RGS6: variants seen among roughly 807,000 people sequenced by gnomAD.
RGS6 encodes regulator of G protein signaling 6, also known as regulator of G-protein signaling 6.
RGS6 carries 30 observed loss-of-function variants against 78.5 expected under a neutral mutation model. That is an observed-to-expected ratio of 0.38 (90% CI 0.29 to 0.52). The LOEUF is 0.52. Among genes scored for constraint, RGS6 ranks in the 20% least tolerant of loss-of-function variants. RGS6 has a pLI of 0.85. For synonymous variants in RGS6, 206 were observed against 206.0 expected (o/e 1.00, Z 0.00); for missense variants, 495 against 609.7 (o/e 0.81, Z 1.98).
chr14:72,494,815 G>T (rs1429944260), intron 12 of RGS6, among the ~76,000 whole-genome samples: 1 of 152,126 alleles, frequency 6.6e-6, no homozygotes, highest in Admixed American at 6.5e-5. Context: ...TTGTGGGAGG[G>T]TGGAACACAA....
At chr14:72,331,979 A>G (rs2152572679) in intron 2 of RGS6, among the ~76,000 whole-genome samples, 1 of 152,326 alleles carries the variant, frequency 6.6e-6, no homozygotes, top group African/African-American at 2.4e-5. Flanking sequence ...ATGATGTGTA[A>G]AATCACCTGT....
At chr14:72,392,349 G>T (rs761294226) in intron 3 of RGS6, among the ~76,000 whole-genome samples, 1 of 152,110 alleles carries the variant, frequency 6.6e-6, no homozygotes, top group African/African-American at 2.4e-5. Flanking sequence ...TATGAAGTCG[G>T]GAGAGCAGGG....
At chr14:72,197,703 A>G (rs1452562739) in intron 2 of RGS6, among the ~76,000 whole-genome samples, 1 of 152,100 alleles carries the variant, frequency 6.6e-6, no homozygotes, top group Non-Finnish European at 1.5e-5. Context: ...TCGGGGCCCA[A>G]ATTTCTATTT....
intron 2 of RGS6, among the ~76,000 whole-genome samples, chr14:72,274,039 A>G (rs1415169114): frequency 6.6e-6 from 1 of 152,174 alleles, no homozygotes; most frequent in African/African-American, 2.4e-5. Context: ...TGCTAATTCC[A>G]GGCTAGGACG....
At chr14:72,493,407 ATAAAT>A (rs1182753871) in intron 12 of RGS6, among the ~76,000 whole-genome samples, 1 of 152,206 alleles carries the variant, frequency 6.6e-6, no homozygotes, top group Admixed American at 6.5e-5. Flanking sequence ...AAATTAAAAA[ATAAAT>A]AAATAGTTAA....
intron 2 of RGS6, among the ~76,000 whole-genome samples, chr14:72,192,330 A>T (rs1465664306): frequency 6.6e-6 from 1 of 152,236 alleles, no homozygotes; most frequent in Non-Finnish European, 1.5e-5. Flanking sequence ...GCTGTCTCAA[A>T]TAAATCCTTT....
In RGS6 at chr14:71,970,292, G is replaced by A. The variant is rs149732890; in HGVS notation, c.84+5417G>A. Among the ~76,000 whole-genome samples, 55 of 152,180 alleles carry A rather than the reference G, an allele frequency of 3.6e-4. No homozygotes were observed. In the East Asian group the frequency reaches 7.2e-3, roughly 20 times the overall value. On this transcript the variant is annotated intron_variant, in intron 2 of 17. Coordinates refer to ENST00000553525, the MANE Select transcript of RGS6 (RefSeq NM_001204424.2). ...ATCAACAGGTTAGTTGCCTAGCCTCGTCACTGATGGCTTCCTTCACCTATT... is the reference window on the plus strand; with the variant it reads ...ATCAACAGGTTAGTTGCCTAGCCTCATCACTGATGGCTTCCTTCACCTATT...
intron 2 of RGS6, among the ~76,000 whole-genome samples, chr14:72,058,530 T>G (rs1366550669): frequency 6.6e-6 from 1 of 152,164 alleles, no homozygotes; most frequent in Admixed American, 6.5e-5. Flanking sequence ...TCTACTGTTA[T>G]TTAAGAGTAT....
chr14:72,561,708 T>G (rs1471392054), intron 17 of RGS6, among the ~76,000 whole-genome samples: 2 of 152,190 alleles, frequency 1.3e-5, no homozygotes, highest in African/African-American at 2.4e-5. Flanking sequence ...AACTGCCACA[T>G]GGGTTATAGT....
At chr14:72,152,262 G>A (rs1302578612) in intron 2 of RGS6, among the ~76,000 whole-genome samples, 2 of 152,026 alleles carry the variant, frequency 1.3e-5, no homozygotes, top group Admixed American at 6.6e-5. Flanking sequence ...GTGTGTGTGT[G>A]TGTGTGTGTG....
chr14:72,138,817 C>G (rs892040475), intron 2 of RGS6, among the ~76,000 whole-genome samples: 1 of 152,164 alleles, frequency 6.6e-6, no homozygotes, highest in South Asian at 2.1e-4. Context: ...TGATCTGTCA[C>G]TGTCTCCCAT....
chr14:72,029,438 C>A (rs750383964), intron 2 of RGS6, among the ~76,000 whole-genome samples: 2 of 152,178 alleles, frequency 1.3e-5, no homozygotes, highest in Non-Finnish European at 2.9e-5. Flanking sequence ...TCTAGAGTAC[C>A]TCATGTTCAG....
At chr14:72,367,193 G>C (rs912785719) in intron 3 of RGS6, among the ~76,000 whole-genome samples, 1 of 152,184 alleles carries the variant, frequency 6.6e-6, no homozygotes, top group East Asian at 1.9e-4. Context: ...GTTTCTTAAA[G>C]GTGTTTGATG....
At chr14:72,116,620 G>A (rs989664881) in intron 2 of RGS6, among the ~76,000 whole-genome samples, 12 of 152,040 alleles carry the variant, frequency 7.9e-5, no homozygotes, top group African/African-American at 2.9e-4. Flanking sequence ...TTTCAGAAGA[G>A]ACAGAAAAAT....
At chr14:72,300,701 T>C (rs1158403945) in intron 2 of RGS6, among the ~76,000 whole-genome samples, 3 of 152,180 alleles carry the variant, frequency 2.0e-5, no homozygotes, top group Non-Finnish European at 4.4e-5. Flanking sequence ...CTCAACTGAG[T>C]CTGGCGTCTC....
chr14:72,476,679 G>A, intron 10 of RGS6, 63 bp from the exon 11 acceptor site: 1 of 1,355,216 alleles, frequency 7.4e-7, no homozygotes, highest in South Asian at 1.2e-5. Flanking sequence ...TGGACTAGCT[G>A]ACCCCTAAGC....
chr14:72,009,806 C>T (rs1290021522), intron 2 of RGS6, among the ~76,000 whole-genome samples: 2 of 152,248 alleles, frequency 1.3e-5, no homozygotes, highest in African/African-American at 4.8e-5. Context: ...TCTCTCTTCC[C>T]AGCATTTAGT....
chr14:72,492,645 C>T lies in RGS6; in HGVS notation c.855-2507C>T, dbSNP rs543182829. 3.3e-5 allele frequency among the ~76,000 whole-genome samples: 5 copies of T among 152,260 alleles called. No homozygotes were observed. The South Asian group carries it at 6.2e-4, about 19-fold the overall frequency. On this transcript the variant is annotated intron_variant, in intron 12 of 17. Transcript: ENST00000553525. ...TTCCATTCTCCTTTAGTTCAAAGTA[C>T]TCAGCATGCCAACATACTATACTTT... is the stretch of plus-strand genomic sequence containing the variant.
chr14:71,974,884 G>A (rs2094021963), intron 2 of RGS6, among the ~76,000 whole-genome samples: 1 of 152,236 alleles, frequency 6.6e-6, no homozygotes. Flanking sequence ...GCTTACGCCT[G>A]TAATCCCAGC....
Sources: gnomAD v4.1 joint callset for allele counts (sites outside exome capture counted in the v4.1 genomes callset) on GRCh38, gnomAD v4.1.1 for gene constraint, MANE v1.5 for transcripts, NCBI Gene and HGNC (gene_info 2026-07-23, HGNC 2026-07-21) for gene names.